FLT1: variants seen among roughly 807,000 people sequenced by gnomAD.
FLT1 encodes the protein vascular endothelial growth factor receptor 1.
In FLT1, 49 loss-of-function variants were observed where a neutral mutation model predicts 156.3. That is an observed-to-expected ratio of 0.31 (90% CI 0.25 to 0.40). FLT1 has a LOEUF of 0.40. Among genes scored for constraint, FLT1 ranks in the 10% least tolerant of loss-of-function variants. The pLI, the probability that FLT1 is intolerant of heterozygous loss-of-function variation, is 1.00. For synonymous variants in FLT1, 594 were observed against 583.8 expected, an observed-to-expected ratio of 1.02 and a Z score of -0.25; for missense variants, 1,322 against 1,637.2, an observed-to-expected ratio of 0.81 and a Z score of 3.32.
chr13:28,390,712 A>G (rs1316100923), intron 12 of FLT1, among the ~76,000 whole-genome samples: 2 of 152,130 alleles, frequency 1.3e-5, no homozygotes, highest in Admixed American at 6.6e-5. Flanking sequence ...TCCTATTTTT[A>G]AAATCATGTA....
intron 16 of FLT1, among the ~76,000 whole-genome samples, chr13:28,342,183 C>G (rs559468084): frequency 4.0e-4 from 61 of 152,192 alleles, no homozygotes; most frequent in Non-Finnish European, 6.0e-4. Flanking sequence ...GTGCCCGGCC[C>G]CTTTCCAGTT....
intron 14 of FLT1, among the ~76,000 whole-genome samples, chr13:28,372,147 T>A (rs998172120): frequency 1.4e-5 from 2 of 143,154 alleles, no homozygotes; most frequent in African/African-American, 5.3e-5. Flanking sequence ...AGTGGAGCCA[T>A]CTTGGCTCAC....
intron 4 of FLT1, among the ~76,000 whole-genome samples, chr13:28,436,095 C>T (rs781427804): frequency 5.9e-5 from 9 of 152,230 alleles, no homozygotes; most frequent in Non-Finnish European, 1.2e-4. Context: ...TCCATTACGG[C>T]TGTTAGTAGC....
At position 28,412,301 on chromosome 13, in the gene FLT1, C is replaced by T. The variant is rs573505159; in HGVS notation, c.1437-6407G>A. Among the ~76,000 whole-genome samples the T allele has an allele frequency of 6.0e-5, 7 of 116,334 alleles. No homozygotes were observed. In the East Asian group the frequency reaches 2.0e-3, roughly 34 times the overall value. 76.3% of individuals were successfully genotyped at this position (116,334 alleles called of 152,430 possible). On this transcript the variant is annotated intron_variant, in intron 10 of 29. Transcript: ENST00000282397. ...ATCTTTCCCCCTTCTCTTTCTTTTT[C>T]TCTTTCTCTTTCTTTCTTTCTTTCT...
At chr13:28,342,371 T>C (rs910990025) in intron 16 of FLT1, among the ~76,000 whole-genome samples, 2 of 152,196 alleles carry the variant, frequency 1.3e-5, no homozygotes, top group African/African-American at 4.8e-5. Flanking sequence ...TTTGAACTCC[T>C]ATAGCCTTTG....
At chr13:28,473,195 A>G (rs1010612661) in intron 1 of FLT1, among the ~76,000 whole-genome samples, 10 of 152,192 alleles carry the variant, frequency 6.6e-5, no homozygotes, top group Admixed American at 2.6e-4. Flanking sequence ...GCAGTATGGC[A>G]ATTCCTCGAT....
chr13:28,387,798 A>G, intron 13 of FLT1: 2 of 995,204 alleles, frequency 2.0e-6, no homozygotes, highest in Non-Finnish European at 2.4e-6. Context: ...AACCCACCCA[A>G]AAGTTTCTTT....
intron 3 of FLT1, among the ~76,000 whole-genome samples, chr13:28,450,632 T>C (rs1878878840): frequency 6.6e-6 from 1 of 152,154 alleles, no homozygotes; most frequent in South Asian, 2.1e-4. Context: ...AAATCTTTCT[T>C]CTACTGCTAA....
chr13:28,337,351 C>T (rs73453231), intron 17 of FLT1, among the ~76,000 whole-genome samples: 1 of 152,104 alleles, frequency 6.6e-6, no homozygotes, highest in Non-Finnish European at 1.5e-5. Flanking sequence ...CATTTACAAC[C>T]CCAGTATAAC....
At chr13:28,410,130 G>A (rs1005429145) in intron 10 of FLT1, among the ~76,000 whole-genome samples, 5 of 152,144 alleles carry the variant, frequency 3.3e-5, no homozygotes, top group Non-Finnish European at 7.4e-5. Flanking sequence ...GTGTTCACCT[G>A]TGCTTTTTCT....
intron 12 of FLT1, chr13:28,396,701 C>G (rs1039570484): frequency 1.7e-6 from 1 of 585,130 alleles, no homozygotes; most frequent in African/African-American, 1.9e-5. Context: ...AATGAGCATA[C>G]AAGATTCCCA....
chr13:28,434,688 G>A (rs1264686679), intron 4 of FLT1, among the ~76,000 whole-genome samples: 1 of 152,188 alleles, frequency 6.6e-6, no homozygotes, highest in African/African-American at 2.4e-5. Context: ...TTAGAGACCA[G>A]CCTGGCCAAC....
chr13:28,432,130 T>C (rs972168384), intron 6 of FLT1, among the ~76,000 whole-genome samples: 27 of 152,106 alleles, frequency 1.8e-4, no homozygotes, highest in Non-Finnish European at 1.5e-5. Flanking sequence ...TTAAGCACTA[T>C]ATTTTATAAC....
chr13:28,450,794 C>T (rs1375146281), intron 3 of FLT1, among the ~76,000 whole-genome samples: 4 of 152,152 alleles, frequency 2.6e-5, no homozygotes, highest in Non-Finnish European at 5.9e-5. Flanking sequence ...GAGAGACTGT[C>T]CCACAAGCAC....
At chr13:28,461,614 A>C (rs1879583528) in intron 3 of FLT1, among the ~76,000 whole-genome samples, 1 of 152,224 alleles carries the variant, frequency 6.6e-6, no homozygotes, top group Admixed American at 6.5e-5. Context: ...ACTATCTCAA[A>C]AAATAAAAGT....
intron 3 of FLT1, 180 bp downstream of exon 3, chr13:28,466,723 G>C: frequency 1.4e-6 from 1 of 689,704 alleles, no homozygotes; most frequent in Non-Finnish European, 2.6e-6. Flanking sequence ...GACTAACTGG[G>C]CCTTGACAAT....
At chr13:28,369,253 G>T (rs374770166) in intron 14 of FLT1, among the ~76,000 whole-genome samples, 8 of 152,264 alleles carry the variant, frequency 5.3e-5, no homozygotes, top group African/African-American at 1.7e-4. Flanking sequence ...GGCCAGGCAC[G>T]GTGGCTCACG....
chr13:28,371,610 G>A (rs1873570429), intron 14 of FLT1, among the ~76,000 whole-genome samples: 1 of 152,110 alleles, frequency 6.6e-6, no homozygotes, highest in South Asian at 2.1e-4. Flanking sequence ...AAGCTGTGAA[G>A]TACTTCCTTT....
At chr13:28,469,537 A>G (rs971256160) in intron 1 of FLT1, among the ~76,000 whole-genome samples, 1 of 152,188 alleles carries the variant, frequency 6.6e-6, no homozygotes, top group Non-Finnish European at 1.5e-5. Flanking sequence ...GCCACCTCAC[A>G]GGCAGGGTGT....
Sources: gnomAD v4.1 joint callset for allele counts (sites outside exome capture counted in the v4.1 genomes callset) on GRCh38, gnomAD v4.1.1 for gene constraint, MANE v1.5 for transcripts, NCBI Gene and HGNC (gene_info 2026-07-23, HGNC 2026-07-21) for gene names.